Variants in METTL6 observed in about 807,000 individuals in gnomAD.
METTL6 encodes the protein methyltransferase 6, tRNA N3-cytidine.
METTL6 carries 22 observed loss-of-function variants against 26.4 expected under a neutral mutation model. The observed-to-expected ratio is 0.83, with a 90% CI of 0.59 to 1.19. The LOEUF (loss-of-function observed/expected upper bound fraction) is 1.19. Among genes scored for constraint, METTL6 ranks in the 50% most tolerant of loss-of-function variants. METTL6 has a pLI of 0.00. For missense variants in METTL6, 304 were observed against 324.8 expected, an observed-to-expected ratio of 0.94 and a Z score of 0.49; for synonymous variants, 109 against 116.2, an observed-to-expected ratio of 0.94 and a Z score of 0.40.
rs537043968 is a variant in METTL6, at chr3:15,410,463, A to C, written c.*793T>G. On this transcript the variant is annotated 3_prime_UTR_variant, in exon 6 of 6. Coordinates refer to ENST00000383790, the MANE Select transcript of METTL6 (RefSeq NM_152396.4). Reference sequence around the variant, plus strand: ...CCAGCTGGGACTACAGGCACATGCCACCACATTTGGCTAATTTTTGTATTT... The same window carrying C: ...CCAGCTGGGACTACAGGCACATGCCCCCACATTTGGCTAATTTTTGTATTT... 1.8e-4 allele frequency among the ~76,000 whole-genome samples: 27 copies of C among 152,168 alleles called. No homozygotes were observed. The highest frequency in any genetic ancestry group is 2.8e-4 in the Non-Finnish European group (19 of 68,010).
rs1369090021 is a variant in METTL6, at chr3:15,416,154, T to C, written c.361-212A>G. On this transcript the variant is annotated intron_variant, in intron 3 of 5. Transcript: ENST00000383790. ...AAGACTTCATTTTAATAAATCATTT[T>C]TAACTGAGGAGACAATAAGAGTATC... is the stretch of plus-strand genomic sequence containing the variant. 2.0e-5 allele frequency among the ~76,000 whole-genome samples: 3 copies of C among 152,352 alleles called. No homozygotes were observed. In the East Asian group the frequency reaches 5.8e-4, roughly 29 times the overall value.
intron 6 of METTL6, among the ~76,000 whole-genome samples, chr3:15,399,137 C>G (rs1209265245): frequency 6.6e-6 from 1 of 152,072 alleles, no homozygotes; most frequent in Non-Finnish European, 1.5e-5. Flanking sequence ...TAGGAAGTTA[C>G]CCTATATGGT....
At chr3:15,399,214 C>A (rs1312098692) in intron 6 of METTL6, among the ~76,000 whole-genome samples, 2 of 151,828 alleles carry the variant, frequency 1.3e-5, no homozygotes, top group African/African-American at 4.8e-5. Flanking sequence ...CCCCCCAACC[C>A]CTCGCCCCCA....
At chr3:15,414,270 C>T in intron 4 of METTL6, 108 bp from the exon 5 acceptor site, 2 of 1,489,840 alleles carry the variant, frequency 1.3e-6, no homozygotes, top group Non-Finnish European at 8.9e-7. Flanking sequence ...AGGGGACAGA[C>T]TGAAATGCCC....
chr3:15,412,308 A>G (rs1415262243), intron 5 of METTL6, among the ~76,000 whole-genome samples: 14 of 152,202 alleles, frequency 9.2e-5, no homozygotes. Flanking sequence ...CAAACAGAAT[A>G]AATGGTGAGG....
intron 4 of METTL6, chr3:15,414,904 A>G (rs1291800147): frequency 9.2e-6 from 10 of 1,089,386 alleles, no homozygotes; most frequent in Non-Finnish European, 1.2e-5. Context: ...CCTGAGTGAC[A>G]CAGCAAGACC....
In METTL6 at chr3:15,414,001, C is replaced by T. The variant is rs1429304610; in HGVS notation, c.673+20G>A. ...AAACAAAGAATAAAACATTTAAAGACTGGATTCCATTCATCTTACCATCAG... is the reference window on the plus strand; with the variant it reads ...AAACAAAGAATAAAACATTTAAAGATTGGATTCCATTCATCTTACCATCAG... On this transcript the variant is annotated intron_variant, in intron 5 of 5. Coordinates refer to ENST00000383790, the MANE Select transcript of METTL6 (RefSeq NM_152396.4). 9.9e-6 allele frequency: 16 copies of T among 1,613,656 alleles called. No individual in the cohort carries two copies. Among genetic ancestry groups the T allele is most frequent in the Non-Finnish European group, 1.4e-5 (16 of 1,179,888 alleles).
At chr3:15,397,240 G>A (rs1037539856) in intron 6 of METTL6, among the ~76,000 whole-genome samples, 27 of 152,188 alleles carry the variant, frequency 1.8e-4, no homozygotes, top group African/African-American at 6.5e-4. Flanking sequence ...AGACTGCTGT[G>A]CTAGCAATGA....
chr3:15,396,043 C>T (rs1471484646), intron 6 of METTL6, among the ~76,000 whole-genome samples: 2 of 152,032 alleles, frequency 1.3e-5, no homozygotes, highest in Non-Finnish European at 2.9e-5. Context: ...TGTTGGCCTG[C>T]CTTGCTAGAT....
At chr3:15,391,574 C>A (rs756220275) in intron 6 of METTL6, among the ~76,000 whole-genome samples, 12 of 151,930 alleles carry the variant, frequency 7.9e-5, no homozygotes, top group African/African-American at 2.9e-4. Flanking sequence ...TATATACATG[C>A]GCCATGTTGG....
chr3:15,406,611 TATATATATATATATATATAG>T (rs1422909040), downstream of METTL6, among the ~76,000 whole-genome samples: 1,025 of 80,376 alleles, frequency 0.013, 4 homozygotes, highest in East Asian at 0.03. Flanking sequence ...TATATATATA[TATATATATATATATATATAG>T]AGAGAGAGAG....
intron 6 of METTL6, chr3:15,399,492 T>G (rs1284187521): frequency 6.8e-6 from 1 of 146,872 alleles, no homozygotes; most frequent in Non-Finnish European, 1.5e-5. Flanking sequence ...GTGACGGGAG[T>G]GAGATGGTGT....
intron 6 of METTL6, among the ~76,000 whole-genome samples, chr3:15,400,066 A>G (rs1414356912): frequency 1.3e-5 from 2 of 152,120 alleles, no homozygotes; most frequent in Non-Finnish European, 2.9e-5. Context: ...TATCACAGGA[A>G]GAGGAGATTG....
chr3:15,423,476 G>C lies in METTL6; in HGVS notation c.360+1479C>G, dbSNP rs184267640. Among the ~76,000 whole-genome samples, 77 of 152,300 alleles carry C rather than the reference G, an allele frequency of 5.1e-4. 1 individual carries two copies. The highest frequency in any genetic ancestry group is 1.8e-3 in the African/African-American group (74 of 41,566). On this transcript the variant is annotated intron_variant, in intron 3 of 5. Coordinates refer to ENST00000383790, the MANE Select transcript of METTL6 (RefSeq NM_152396.4). ...GATTATAAACAGCTATAGGCAGGGT[G>C]TAATCCCACACTCTGGGAGTCTGAG...
At chr3:15,413,645 C>G (rs1700064263) in intron 5 of METTL6, 1 of 1,179,530 alleles carries the variant, frequency 8.5e-7, no homozygotes, top group South Asian at 1.7e-5. Context: ...GACTTTGTGC[C>G]ATGGGAAAGT....
intron 6 of METTL6, among the ~76,000 whole-genome samples, chr3:15,401,634 C>T (rs1162346026): frequency 6.6e-6 from 1 of 151,402 alleles, no homozygotes; most frequent in Non-Finnish European, 1.5e-5. Flanking sequence ...CCAGCCAAAA[C>T]CCACCAAAAC....
chr3:15,415,047 C>CAAAA, intron 4 of METTL6: 3 of 876,334 alleles, frequency 3.4e-6, no homozygotes, highest in Non-Finnish European at 4.4e-6. Flanking sequence ...CTTAAAAAAA[C>CAAAA]AAACAAACAA....
intron 3 of METTL6, among the ~76,000 whole-genome samples, chr3:15,419,861 C>CTT (rs1324825917): frequency 1.2e-4 from 16 of 132,334 alleles, no homozygotes; most frequent in Middle Eastern, 7.6e-3. Context: ...AACTGTTTTT[C>CTT]TTTTTTTTTT....
intron 6 of METTL6, among the ~76,000 whole-genome samples, chr3:15,401,827 A>G (rs577103166): frequency 8.5e-5 from 13 of 152,332 alleles, no homozygotes; most frequent in Non-Finnish European, 1.8e-4. Context: ...CCCCTTTTCC[A>G]GAACGTTCAT....
Sources: gnomAD v4.1 joint callset for allele counts (sites outside exome capture counted in the v4.1 genomes callset) on GRCh38, gnomAD v4.1.1 for gene constraint, MANE v1.5 for transcripts, NCBI Gene and HGNC (gene_info 2026-07-23, HGNC 2026-07-21) for gene names.